KIRREL3: variants seen among roughly 807,000 people sequenced by gnomAD.
The protein encoded by KIRREL3 is kin of IRRE-like protein 3.
Under a neutral mutation model 89.7 loss-of-function variants are expected in KIRREL3, and 36 were observed. That is an observed-to-expected ratio of 0.40 (90% CI 0.31 to 0.53). The LOEUF is 0.53. Among genes scored for constraint, KIRREL3 ranks in the 20% least tolerant of loss-of-function variants. KIRREL3 has a pLI of 0.49. For synonymous variants in KIRREL3, 445 were observed against 441.4 expected (o/e 1.01, Z -0.10); for missense variants, 864 against 1,056.6 (o/e 0.82, Z 2.53).
chr11:126,482,731 C>G (rs1957256461), intron 4 of KIRREL3, among the ~76,000 whole-genome samples: 1 of 152,184 alleles, frequency 6.6e-6, no homozygotes, highest in African/African-American at 2.4e-5. Flanking sequence ...GGGTGAAGAC[C>G]CTGCTGCTCC....
Position 126,909,877 on chromosome 11 carries a change from T to C in KIRREL3, c.55+90578A>G, listed in dbSNP as rs1294909622. Reference sequence around the variant, plus strand: ...TATATGGTCTGTGATATGGATATGATATTTTTTTATTGCAATAATAAGTTT... The same window carrying C: ...TATATGGTCTGTGATATGGATATGACATTTTTTTATTGCAATAATAAGTTT... On this transcript the variant is annotated intron_variant, in intron 1 of 16. Coordinates refer to ENST00000525144, the MANE Select transcript of KIRREL3 (RefSeq NM_032531.4). The surrounding 1 kb of genome is among the most constrained non-coding windows in gnomAD (Gnocchi z 4.5). Among the ~76,000 whole-genome samples, 2 of 152,166 alleles carry C rather than the reference T, an allele frequency of 1.3e-5. No individual in the cohort carries two copies. The highest frequency in any genetic ancestry group is 2.9e-5 in the Non-Finnish European group (2 of 68,034).
chr11:126,894,478 G>C (rs531843085), intron 1 of KIRREL3, among the ~76,000 whole-genome samples: 1 of 144,242 alleles, frequency 6.9e-6, no homozygotes, highest in Non-Finnish European at 1.5e-5. Context: ...GGAGGCCAAG[G>C]TGGGCAGATC....
intron 16 of KIRREL3, 119 bp from the exon 17 acceptor site, chr11:126,425,142 G>T: frequency 1.1e-6 from 1 of 926,584 alleles, no homozygotes; most frequent in Non-Finnish European, 1.6e-6. Flanking sequence ...CAGGAGGAAG[G>T]GAGCAACCTG....
At chr11:126,659,053 T>C (rs1945279595) in intron 1 of KIRREL3, among the ~76,000 whole-genome samples, 1 of 152,204 alleles carries the variant, frequency 6.6e-6, no homozygotes, top group South Asian at 2.1e-4. Context: ...GACTGGCCAA[T>C]TGGTTAGCTA....
At chr11:126,925,699 G>A (rs868109426) in intron 1 of KIRREL3, among the ~76,000 whole-genome samples, 5 of 152,174 alleles carry the variant, frequency 3.3e-5, no homozygotes, top group African/African-American at 9.7e-5. Context: ...AGGTGAGAAC[G>A]TTGTGGTCAC....
chr11:126,774,302 G>T (rs763871409), intron 1 of KIRREL3, among the ~76,000 whole-genome samples: 1 of 152,026 alleles, frequency 6.6e-6, no homozygotes, highest in African/African-American at 2.4e-5. Context: ...CCGAAGAAGG[G>T]GGAAAGAACT....
chr11:126,690,466 C>G (rs996471824), intron 1 of KIRREL3, among the ~76,000 whole-genome samples: 3 of 152,048 alleles, frequency 2.0e-5, no homozygotes, highest in Non-Finnish European at 4.4e-5. Flanking sequence ...CTCCCTTCCC[C>G]TGGGATTAAC....
intron 1 of KIRREL3, among the ~76,000 whole-genome samples, chr11:126,941,801 C>T (rs988311380): frequency 6.6e-6 from 1 of 152,244 alleles, no homozygotes; most frequent in African/African-American, 2.4e-5. Flanking sequence ...GGATCTATCT[C>T]AGTGTAACTA....
At chr11:126,599,393 TTTC>T (rs1211693349) in intron 1 of KIRREL3, among the ~76,000 whole-genome samples, 4 of 152,094 alleles carry the variant, frequency 2.6e-5, no homozygotes, top group Non-Finnish European at 4.4e-5. Context: ...GCCTGACTCT[TTTC>T]TTCTTCTTCT....
chr11:126,822,110 A>T (rs536660591), intron 1 of KIRREL3, among the ~76,000 whole-genome samples: 2 of 152,182 alleles, frequency 1.3e-5, no homozygotes, highest in African/African-American at 2.4e-5. Flanking sequence ...TTGATCTGTA[A>T]CCTTGGGCAA....
chr11:126,836,050 T>C (rs967570987), intron 1 of KIRREL3, among the ~76,000 whole-genome samples: 1 of 152,212 alleles, frequency 6.6e-6, no homozygotes, highest in Non-Finnish European at 1.5e-5. Flanking sequence ...GGGAAGAAGA[T>C]GGACAAAGCT....
At position 126,876,588 on chromosome 11, in the gene KIRREL3, A is replaced by G. The variant is rs1945294751; in HGVS notation, c.55+123867T>C. Among the ~76,000 whole-genome samples the G allele has an allele frequency of 1.4e-5, 2 of 145,076 alleles. No homozygotes were observed. Among genetic ancestry groups the G allele is most frequent in the Non-Finnish European group, 1.5e-5 (1 of 67,212 alleles). On this transcript the variant is annotated intron_variant, in intron 1 of 16. Coordinates refer to ENST00000525144, the MANE Select transcript of KIRREL3 (RefSeq NM_032531.4). This position sits in a 1 kb window ranked among gnomAD's most constrained non-coding sequence, Gnocchi z 4.1. ...AGTCTTGCTCTGTCACCCAGGCTGG[A>G]GTGCAGCGGTGCGACCTTGGCCCAC...
chr11:126,859,433 T>A (rs1440029847), intron 1 of KIRREL3, among the ~76,000 whole-genome samples: 1 of 152,128 alleles, frequency 6.6e-6, no homozygotes, highest in Non-Finnish European at 1.5e-5. Flanking sequence ...TGAATCATGG[T>A]GCTATACAAG....
chr11:126,616,442 T>C (rs1391218803), intron 1 of KIRREL3, among the ~76,000 whole-genome samples: 1 of 126,696 alleles, frequency 7.9e-6, no homozygotes, highest in African/African-American at 3.0e-5. Context: ...GTTAGCCTGG[T>C]TGGGCATAGA....
chr11:126,799,443 TGCATGCATCTCTG>T, intron 1 of KIRREL3, among the ~76,000 whole-genome samples: 2 of 83,310 alleles, frequency 2.4e-5, no homozygotes, highest in Non-Finnish European at 5.3e-5. Context: ...TGTATCTGTG[TGCATGCATCTCTG>T]TGTGCATGTG....
At position 126,523,169 on chromosome 11, in the gene KIRREL3, T is replaced by C. The variant is rs1205828451; in HGVS notation, c.284-1705A>G. ...TGAGGTATCCAACAAGGATCTGGGA[T>C]GCCAGAGAGTGTAGTGAGGTCCCCA... is the stretch of plus-strand genomic sequence containing the variant. On this transcript the variant is annotated intron_variant, in intron 3 of 16. Transcript: ENST00000525144. This position sits in a 1 kb window ranked among gnomAD's most constrained non-coding sequence, Gnocchi z 4.9. Among the ~76,000 whole-genome samples, 2 of 152,190 alleles carry C rather than the reference T, an allele frequency of 1.3e-5. No individual in the cohort carries two copies. Among genetic ancestry groups the C allele is most frequent in the African/African-American group, 4.8e-5 (2 of 41,446 alleles).
intron 1 of KIRREL3, among the ~76,000 whole-genome samples, chr11:126,933,568 C>T (rs1403388572): frequency 6.6e-6 from 1 of 150,838 alleles, no homozygotes; most frequent in Non-Finnish European, 1.5e-5. Context: ...AAAGAATCTA[C>T]AAAAAAATCA....
In KIRREL3 at chr11:126,610,756, G is replaced by C. The variant is rs1038148516; in HGVS notation, c.56-47844C>G. 3.3e-5 allele frequency: 5 copies of C among 152,194 alleles called. No homozygotes were observed. The highest frequency in any genetic ancestry group is 7.3e-5 in the Non-Finnish European group (5 of 68,048). The allele number at this position is 152,194 out of a possible 1,614,324, so 9.4% of individuals were successfully genotyped here. ...CTTGGAGGGCTCTCCATCTCTCTTA[G>C]AGCAGTTTCTTTCTTAGACAGTTGA... On this transcript the variant is annotated intron_variant, in intron 1 of 16. Coordinates refer to ENST00000525144, the MANE Select transcript of KIRREL3 (RefSeq NM_032531.4). The surrounding 1 kb of genome is among the most constrained non-coding windows in gnomAD (Gnocchi z 4.6).
In KIRREL3 at chr11:126,508,663, T is replaced by C. The variant is rs1010250605; in HGVS notation, c.433+12652A>G. ...AGTTTGGAAAAGAGGAGGGGCATAA[T>C]TGAGCATAAAGGGCCAGGGTTTCAG... On this transcript the variant is annotated intron_variant, in intron 4 of 16. Transcript: ENST00000525144. This position sits in a 1 kb window ranked among gnomAD's most constrained non-coding sequence, Gnocchi z 4.9. 1.3e-5 allele frequency among the ~76,000 whole-genome samples: 2 copies of C among 152,100 alleles called. No individual in the cohort carries two copies. The highest frequency in any genetic ancestry group is 2.9e-5 in the Non-Finnish European group (2 of 68,016).
Sources: allele counts gnomAD v4.1 joint callset (sites outside exome capture counted in the v4.1 genomes callset), GRCh38; gene constraint gnomAD v4.1.1; non-coding constraint Gnocchi (gnomAD v3.1); transcripts MANE v1.5; gene names NCBI Gene and HGNC (gene_info 2026-07-23, HGNC 2026-07-21).